PSMD7: variants seen among roughly 807,000 people sequenced by gnomAD.
The protein encoded by PSMD7 is 26S proteasome non-ATPase regulatory subunit 7.
Under a neutral mutation model 36.4 loss-of-function variants are expected in PSMD7, and 13 were observed. The observed-to-expected ratio is 0.36, with a 90% CI of 0.23 to 0.57. The LOEUF is 0.57. Among genes scored for constraint, PSMD7 ranks in the 20% least tolerant of loss-of-function variants. The pLI, the probability that PSMD7 is intolerant of heterozygous loss-of-function variation, is 0.83. For synonymous variants in PSMD7, 186 were observed against 151.0 expected (o/e 1.23, Z -1.70); for missense variants, 298 against 393.6 (o/e 0.76, Z 2.06).
In PSMD7 at chr16:74,305,912, A is replaced by C; in HGVS notation, c.*179A>C. 1.8e-6 allele frequency: 1 copy of C among 567,098 alleles called. No homozygotes were observed. The highest frequency in any genetic ancestry group is 2.7e-6 in the Non-Finnish European group (1 of 376,858). The allele number at this position is 567,098 out of a possible 1,614,324, so 35.1% of individuals were successfully genotyped here. A position where few individuals can be genotyped will look rare whatever the true frequency, so the allele number is the denominator to read the frequency against. On this transcript the variant is annotated 3_prime_UTR_variant, in exon 7 of 7. Coordinates refer to ENST00000219313, the MANE Select transcript of PSMD7 (RefSeq NM_002811.5). ...GTGGAAGTGAATGGAGACTGATCTC[A>C]AATCTGAACTGCAGCTTTCGCTGCT...
chr16:74,302,117 C>G (rs946964887), intron 4 of PSMD7, 95 bp from the exon 5 acceptor site: 2 of 991,448 alleles, frequency 2.0e-6, no homozygotes, highest in African/African-American at 1.6e-5. Flanking sequence ...TAATTGATTA[C>G]AAGAAATAGC....
In PSMD7 at chr16:74,296,890, G is replaced by C. The variant is rs745791674; in HGVS notation, c.-25G>C. 1.9e-6 allele frequency: 3 copies of C among 1,611,908 alleles called. No homozygotes were observed. The highest frequency in any genetic ancestry group is 2.7e-5 in the African/African-American group (2 of 75,056). ...GGTGTTTGCGTGTGGCAGGGAGCCA[G>C]GCCTGGCGAGCGGGGTGTGTCGCGA... On this transcript the variant is annotated 5_prime_UTR_variant, in exon 1 of 7. Coordinates refer to ENST00000219313, the MANE Select transcript of PSMD7 (RefSeq NM_002811.5).
intron 5 of PSMD7, 130 bp from the exon 6 acceptor site, chr16:74,304,173 C>T (rs2034177821): frequency 6.7e-6 from 5 of 741,674 alleles, no homozygotes; most frequent in East Asian, 2.6e-5. Flanking sequence ...CCCACCCTTG[C>T]CATAGAAAAT....
chr16:74,299,370 GTCC>G (rs111842696), intron 1 of PSMD7, among the ~76,000 whole-genome samples: 2,953 of 152,250 alleles, frequency 0.019, 46 homozygotes, highest in African/African-American at 0.046. Flanking sequence ...TTCTCATTCA[GTCC>G]TCCTCTATTC....
In PSMD7 at chr16:74,306,120, A is replaced by G. The variant is rs2034195382; in HGVS notation, c.*387A>G. The G allele has an allele frequency of 1.3e-5, 2 of 159,896 alleles. No homozygotes were observed. The highest frequency in any genetic ancestry group is 2.0e-4 in the South Asian group (1 of 5,090). The allele number at this position is 159,896 out of a possible 1,614,324, so 9.9% of individuals were successfully genotyped here. A position where few individuals can be genotyped will look rare whatever the true frequency, so the allele number is the denominator to read the frequency against. ...TTTACAAAATTGCTAAGTGGAATGC[A>G]TGAATTGCATTATGTTCTCTGGTAA... On this transcript the variant is annotated 3_prime_UTR_variant, in exon 7 of 7. Transcript: ENST00000219313.
Position 74,305,468 on chromosome 16 carries a change from T to C in PSMD7, c.710T>C (p.Leu237Pro). ...CAGCTGCAGGACGTCTTCAACCTGCTGCCAGATGTCAGCCTGCAGGAGTTC... is the reference window on the plus strand; with the variant it reads ...CAGCTGCAGGACGTCTTCAACCTGCCGCCAGATGTCAGCCTGCAGGAGTTC... ...IYQLQDVFNLLPDVSLQEFVK... is the reference protein window; with the variant it reads ...IYQLQDVFNLPPDVSLQEFVK... Residue 237 changes from leucine to proline, a missense_variant, in exon 7 of 7, where the codon CTG becomes CCG. Leu to Pro is a moderately conservative substitution (Grantham distance 98). Transcript: ENST00000219313. 6.2e-7 allele frequency: 1 copy of C among 1,614,166 alleles called. No individual in the cohort carries two copies.
chr16:74,303,216 G>T (rs1316519765), intron 5 of PSMD7, among the ~76,000 whole-genome samples: 2 of 152,226 alleles, frequency 1.3e-5, no homozygotes, highest in African/African-American at 4.8e-5. Flanking sequence ...GACCATCCTG[G>T]CATCCAAAGC....
chr16:74,300,704 A>C (rs1435568909), intron 2 of PSMD7, among the ~76,000 whole-genome samples: 1 of 152,246 alleles, frequency 6.6e-6, no homozygotes, highest in Non-Finnish European at 1.5e-5. Flanking sequence ...CACTAACTCT[A>C]GTGTCTAAAA....
chr16:74,300,550 G>A (rs943803236), intron 2 of PSMD7: 5 of 318,844 alleles, frequency 1.6e-5, no homozygotes, highest in East Asian at 6.4e-5. Context: ...GTTTAACCAC[G>A]CTTCTTATAG....
chr16:74,297,039 C>A, intron 1 of PSMD7, 51 bp downstream of exon 1: 1 of 1,579,442 alleles, frequency 6.3e-7, no homozygotes, highest in Non-Finnish European at 8.6e-7. Context: ...TGCTGAGTCA[C>A]GGGCACGCTG....
At position 74,301,538 on chromosome 16, in the gene PSMD7, A is replaced by T; in HGVS notation, c.260-17A>T. ...TTCATGAAATAGTTAAAGCCTGCTA[A>T]TTTTTTTCCTTCCTAGCCAGGGAAA... On this transcript the variant is annotated splice_polypyrimidine_tract_variant and intron_variant, in intron 3 of 6. Coordinates refer to ENST00000219313, the MANE Select transcript of PSMD7 (RefSeq NM_002811.5). 6.4e-7 allele frequency: 1 copy of T among 1,572,178 alleles called. No homozygotes were observed. Among genetic ancestry groups the T allele is most frequent in the Non-Finnish European group, 8.7e-7 (1 of 1,143,714 alleles).
chr16:74,304,166 A>G, intron 5 of PSMD7, 137 bp from the exon 6 acceptor site: 1 of 711,204 alleles, frequency 1.4e-6, no homozygotes, highest in East Asian at 2.7e-5. Flanking sequence ...AGCCTTACCC[A>G]CCCTTGCCAT....
chr16:74,299,899 G>A (rs546899010), intron 1 of PSMD7, among the ~76,000 whole-genome samples: 20 of 152,306 alleles, frequency 1.3e-4, no homozygotes, highest in South Asian at 6.2e-4. Flanking sequence ...CACAGTCAAT[G>A]TTAGGTAAAA....
At position 74,300,133 on chromosome 16, in the gene PSMD7, C is replaced by G; in HGVS notation, c.93C>G (p.Asn31Lys). ...DHFNRIGKVGNQKRVVGVLLG... is the reference protein window; with the variant it reads ...DHFNRIGKVGKQKRVVGVLLG... The stretch of plus-strand genomic sequence containing the variant: ...CATTCAGAATCGGCAAGGTTGGAAA[C>G]CAGAAGCGTGTTGTTGGTGTGCTTT... The change falls in exon 2 of 7, where the codon AAC (asparagine) becomes AAG (lysine). Residue 31 changes from asparagine (N) to lysine (K), a missense_variant. Physicochemically the swap from Asn to Lys is moderately conservative, Grantham distance 94. Transcript: ENST00000219313. 6.2e-7 allele frequency: 1 copy of G among 1,614,122 alleles called. No individual in the cohort carries two copies. The highest frequency in any genetic ancestry group is 8.5e-7 in the Non-Finnish European group (1 of 1,180,020).
At position 74,302,269 on chromosome 16, in the gene PSMD7, A is replaced by C; in HGVS notation, c.415A>C (p.Ile139Leu). 6.2e-7 allele frequency: 1 copy of C among 1,613,956 alleles called. No individual in the cohort carries two copies. The highest frequency in any genetic ancestry group is 8.5e-7 in the Non-Finnish European group (1 of 1,179,948). The change falls in exon 5 of 7, where the codon ATT becomes CTT. Residue 139 changes from isoleucine (I) to leucine (L), a missense_variant. By Grantham distance (5) the Ile-to-Leu change is conservative. Coordinates refer to ENST00000219313, the MANE Select transcript of PSMD7 (RefSeq NM_002811.5). Reference sequence around the variant, plus strand: ...CCTAGGGCTGCCTACAGAAGCGTACATTTCAGTGGAAGAAGTCCATGATGT... The same window carrying C: ...CCTAGGGCTGCCTACAGAAGCGTACCTTTCAGTGGAAGAAGTCCATGATGT... ...KDLGLPTEAY[I>L]SVEEVHDDGT...
At position 74,297,041 on chromosome 16, in the gene PSMD7, G is replaced by GT; in HGVS notation, c.74+53_74+54insT. On this transcript the variant is annotated intron_variant, in intron 1 of 6. Transcript: ENST00000219313. ...GCGGCGCAGCCGCTGCTGAGTCACGGGCACGCTGGAGATGGCGCGGCGGCC... is the reference window on the plus strand; with the variant it reads ...GCGGCGCAGCCGCTGCTGAGTCACGGTGCACGCTGGAGATGGCGCGGCGGCC... The GT allele has an allele frequency of 4.4e-6, 7 of 1,578,824 alleles. No homozygotes were observed. The South Asian group carries it at 8.0e-5, about 18-fold the overall frequency.
Position 74,305,723 on chromosome 16 carries a change from A to G in PSMD7, c.965A>G (p.Glu322Gly). 1 of 1,427,414 alleles carries G rather than the reference A, an allele frequency of 7.0e-7. No individual in the cohort carries two copies. Among genetic ancestry groups the G allele is most frequent in the Non-Finnish European group, 9.2e-7 (1 of 1,084,004 alleles). 88.4% of individuals were successfully genotyped at this position (1,427,414 alleles called of 1,614,324 possible). A position where few individuals can be genotyped will look rare whatever the true frequency, so the allele number is the denominator to read the frequency against. ...GATGTAAAGAAAGAGGAGAAAAAGGAGAAAAAGTAAAACATGTATTAAATA... is the reference window on the plus strand; with the variant it reads ...GATGTAAAGAAAGAGGAGAAAAAGGGGAAAAAGTAAAACATGTATTAAATA... The part of the protein sequence containing the change: ...KSDVKKEEKK[E>G]KK Residue 322 changes from glutamate to glycine, a missense_variant, in exon 7 of 7, where the codon GAG becomes GGG. By Grantham distance (98) the Glu-to-Gly change is moderately conservative (BLOSUM62 -2). Coordinates refer to ENST00000219313, the MANE Select transcript of PSMD7 (RefSeq NM_002811.5).
At chr16:74,299,473 G>A in intron 1 of PSMD7, 1 of 415,922 alleles carries the variant, frequency 2.4e-6, no homozygotes, top group South Asian at 1.6e-5. Flanking sequence ...TCGACCTTCT[G>A]AGCTCAAGTA....
At chr16:74,304,463 G>C (rs2034180225) in intron 6 of PSMD7, 69 bp downstream of exon 6, 3 of 1,427,598 alleles carry the variant, frequency 2.1e-6, no homozygotes, top group East Asian at 2.3e-5. Flanking sequence ...GAAGAGGTCT[G>C]TGTCGGGAAT....
Sources: gnomAD v4.1 joint callset for allele counts (sites outside exome capture counted in the v4.1 genomes callset) on GRCh38, gnomAD v4.1.1 for gene constraint, MANE v1.5 for transcripts, NCBI Gene and HGNC (gene_info 2026-07-23, HGNC 2026-07-21) for gene names.